Variants in SHOC2 observed in about 807,000 individuals in gnomAD.
The protein encoded by SHOC2 is SHOC2 leucine rich repeat scaffold protein.
Under a neutral mutation model 50.2 loss-of-function variants are expected in SHOC2, and 4 were observed. The ratio of observed to expected loss-of-function variants is 0.08; its 90% CI spans 0.04 to 0.18. The LOEUF (loss-of-function observed/expected upper bound fraction) is 0.18. SHOC2 is among the 10% of genes least tolerant of loss of function. The pLI is 1.00. For missense variants in SHOC2, 388 were observed against 669.6 expected (o/e 0.58, Z 4.64); for synonymous variants, 218 against 244.5 (o/e 0.89, Z 1.01).
chr10:110,940,092 C>T (rs1048360745), intron 1 of SHOC2, among the ~76,000 whole-genome samples: 3 of 152,048 alleles, frequency 2.0e-5, no homozygotes, highest in Non-Finnish European at 4.4e-5. Flanking sequence ...TTTTAAATAG[C>T]AGAATGATAA....
intron 3 of SHOC2, chr10:110,988,824 T>C (rs1848128438): frequency 9.4e-6 from 4 of 427,498 alleles, no homozygotes; most frequent in Non-Finnish European, 1.4e-5. Context: ...AATTTCCCCT[T>C]AAGTACTGCT....
At chr10:110,982,631 T>G (rs546583336) in intron 2 of SHOC2, among the ~76,000 whole-genome samples, 31 of 150,946 alleles carry the variant, frequency 2.1e-4, no homozygotes, top group African/African-American at 7.2e-4. Context: ...TTTTCATGTG[T>G]TTTTTGGCTG....
chr10:110,922,342 T>C (rs1564698949), intron 1 of SHOC2, among the ~76,000 whole-genome samples: 2 of 152,130 alleles, frequency 1.3e-5, no homozygotes, highest in Admixed American at 1.3e-4. Context: ...TGAATAAACT[T>C]GAAATTCTTT....
intron 8 of SHOC2, 81 bp downstream of exon 8, chr10:111,009,911 A>T: frequency 2.4e-6 from 2 of 838,520 alleles, no homozygotes; most frequent in Non-Finnish European, 4.1e-6. Flanking sequence ...AAATATGACA[A>T]ATCTATTGTT....
At chr10:110,971,909 A>G (rs1362118692) in intron 2 of SHOC2, among the ~76,000 whole-genome samples, 2 of 151,864 alleles carry the variant, frequency 1.3e-5, no homozygotes, top group Non-Finnish European at 2.9e-5. Context: ...ACTGACACAT[A>G]CATGTGTATA....
Position 110,964,218 on chromosome 10 carries a change from C to A in SHOC2, c.-141C>A. Reference sequence around the variant, plus strand: ...TAGTGCTTTTAGATCCAACATGTAACAGATGGATGTTACTCCATGCTGATT... The same window carrying A: ...TAGTGCTTTTAGATCCAACATGTAAAAGATGGATGTTACTCCATGCTGATT... On this transcript the variant is annotated 5_prime_UTR_variant, in exon 2 of 9. Coordinates refer to ENST00000369452, the MANE Select transcript of SHOC2 (RefSeq NM_007373.4). This position sits in a 1 kb window ranked among gnomAD's most constrained non-coding sequence, Gnocchi z 4.9. 2 of 1,292,464 alleles carry A rather than the reference C, an allele frequency of 1.5e-6. No individual in the cohort carries two copies. Among genetic ancestry groups the A allele is most frequent in the South Asian group, 1.4e-5 (1 of 69,076 alleles). The allele number at this position is 1,292,464 out of a possible 1,614,324, so 80.1% of individuals were successfully genotyped here. A position where few individuals can be genotyped will look rare whatever the true frequency, so the allele number is the denominator to read the frequency against.
chr10:110,963,156 C>G (rs1363605284), intron 1 of SHOC2, among the ~76,000 whole-genome samples: 2 of 152,108 alleles, frequency 1.3e-5, no homozygotes, highest in Non-Finnish European at 2.9e-5. Context: ...ATAGAGTTAA[C>G]AATAGAGTCA....
rs535388677 is a variant in SHOC2, at chr10:110,924,444, A to G, written c.-235+4787A>G. ...GGATAGGGGAGGGTAATAAAAGCAC[A>G]AAGGTTAGATATGTTTAGGTCCACT... is the stretch of plus-strand genomic sequence containing the variant. On this transcript the variant is annotated intron_variant, in intron 1 of 8. Transcript: ENST00000369452. Among the ~76,000 whole-genome samples, 3 of 152,344 alleles carry G rather than the reference A, an allele frequency of 2.0e-5. No individual in the cohort carries two copies. The South Asian group carries it at 6.2e-4, about 32-fold the overall frequency.
intron 1 of SHOC2, among the ~76,000 whole-genome samples, chr10:110,931,065 A>G (rs530407498): frequency 6.6e-6 from 1 of 152,264 alleles, no homozygotes; most frequent in African/African-American, 2.4e-5. Context: ...TCCCATAAGA[A>G]GTAATGCAGG....
rs767570209 is a variant in SHOC2 at position 111,009,746 on chromosome 10, C to G, written c.1456C>G (p.Leu486Val). Residue 486 changes from leucine to valine, a missense_variant, in exon 8 of 9, where the codon CTT becomes GTT. Transcript: ENST00000369452. ...LVLTNNQLTTLPRGIGHLTNL... is the reference protein window; with the variant it reads ...LVLTNNQLTTVPRGIGHLTNL... ...CTTGACAAACAACCAGTTGACCACT[C>G]TTCCCAGAGGCATTGGTCACCTTAC... The G allele has an allele frequency of 1.2e-6, 2 of 1,612,430 alleles. No homozygotes were observed. Among genetic ancestry groups the G allele is most frequent in the Non-Finnish European group, 1.7e-6 (2 of 1,178,566 alleles).
intron 1 of SHOC2, among the ~76,000 whole-genome samples, chr10:110,930,801 A>G (rs1030589136): frequency 2.9e-5 from 3 of 103,294 alleles, no homozygotes; most frequent in African/African-American, 1.0e-4. Context: ...TTGGTCATTT[A>G]CCATTTGACG....
intron 2 of SHOC2, among the ~76,000 whole-genome samples, chr10:110,980,025 T>C (rs1564720264): frequency 6.6e-6 from 1 of 152,206 alleles, no homozygotes; most frequent in African/African-American, 2.4e-5. Flanking sequence ...CAATTTGACA[T>C]TGCTGAGACA....
intron 2 of SHOC2, among the ~76,000 whole-genome samples, chr10:110,972,631 GC>G (rs1847803984): frequency 1.3e-5 from 2 of 152,126 alleles, no homozygotes; most frequent in African/African-American, 4.8e-5. Context: ...GATTACTTGA[GC>G]CCAGGAGTTT....
intron 1 of SHOC2, among the ~76,000 whole-genome samples, chr10:110,925,083 A>T (rs1271950536): frequency 3.4e-5 from 5 of 147,920 alleles, no homozygotes; most frequent in African/African-American, 9.8e-5. Context: ...AAAAAAAAAA[A>T]AAAAAAAAAT....
At chr10:111,003,613 T>C (rs1848418848) in intron 4 of SHOC2, among the ~76,000 whole-genome samples, 2 of 152,162 alleles carry the variant, frequency 1.3e-5, no homozygotes, top group African/African-American at 4.8e-5. Flanking sequence ...ACAAGCTATT[T>C]AAAGATAGAG....
chr10:111,010,998 T>A (rs568306590), intron 8 of SHOC2, among the ~76,000 whole-genome samples: 11 of 152,222 alleles, frequency 7.2e-5, no homozygotes, highest in Non-Finnish European at 1.0e-4. Flanking sequence ...GTATATTTAT[T>A]CACCTGATCT....
chr10:110,967,485 A>G (rs1847698519), intron 2 of SHOC2, among the ~76,000 whole-genome samples: 1 of 152,216 alleles, frequency 6.6e-6, no homozygotes, highest in Non-Finnish European at 1.5e-5. Context: ...TATAATTCAC[A>G]TACCATACAA....
intron 5 of SHOC2, among the ~76,000 whole-genome samples, chr10:111,005,787 GT>G (rs1848455313): frequency 6.6e-6 from 1 of 152,182 alleles, no homozygotes; most frequent in Admixed American, 6.5e-5. Context: ...CCCAAGGAAG[GT>G]AACTGAATTG....
At chr10:110,919,587 C>T (rs1846561678), upstream of SHOC2, 1 of 393,686 alleles carries the variant, frequency 2.5e-6, no homozygotes, top group Non-Finnish European at 4.5e-6. Context: ...GGCAGCGTCG[C>T]TTCTTAGGAG....
Sources: gnomAD v4.1 joint callset for allele counts (sites outside exome capture counted in the v4.1 genomes callset) on GRCh38, gnomAD v4.1.1 for gene constraint, Gnocchi (gnomAD v3.1) non-coding constraint, MANE v1.5 for transcripts, NCBI Gene and HGNC (gene_info 2026-07-23, HGNC 2026-07-21) for gene names.